The following PAPPA2 variants were observed in gnomAD, a reference collection of about 807,000 sequenced individuals.
PAPPA2 encodes pappalysin 2, also known as pappalysin-2.
PAPPA2 carries 86 observed loss-of-function variants against 176.4 expected under a neutral mutation model. That is an observed-to-expected ratio of 0.49 (90% CI 0.41 to 0.58). The LOEUF (loss-of-function observed/expected upper bound fraction) is 0.58, where lower values mean the gene tolerates loss of function less well. PAPPA2 is among the 20% of genes least tolerant of loss of function. The pLI is 0.00. For missense variants in PAPPA2, 2,073 were observed against 2,256.9 expected (o/e 0.92, Z 1.65); for synonymous variants, 809 against 852.2 (o/e 0.95, Z 0.88).
At chr1:176,502,868 G>A (rs963282430) in intron 1 of PAPPA2, among the ~76,000 whole-genome samples, 17 of 152,062 alleles carry the variant, frequency 1.1e-4, no homozygotes, top group South Asian at 4.1e-4. Context: ...AGTCCATGTC[G>A]TAGGTTTTTC....
At chr1:176,507,640 G>T (rs1388606480) in intron 1 of PAPPA2, among the ~76,000 whole-genome samples, 2 of 152,088 alleles carry the variant, frequency 1.3e-5, no homozygotes, top group Non-Finnish European at 2.9e-5. Flanking sequence ...GCAGCAACAT[G>T]GATGGAGCTG....
chr1:176,611,973 C>T (rs181011356), intron 3 of PAPPA2, among the ~76,000 whole-genome samples: 2 of 152,172 alleles, frequency 1.3e-5, no homozygotes, highest in Admixed American at 6.5e-5. Context: ...AGTATCCATT[C>T]ATCTGTTTAG....
intron 18 of PAPPA2, among the ~76,000 whole-genome samples, chr1:176,790,791 G>C (rs945269771): frequency 1.3e-5 from 2 of 152,142 alleles, no homozygotes; most frequent in Non-Finnish European, 2.9e-5. Flanking sequence ...AGTATAATTC[G>C]TGAAGCCAAG....
intron 1 of PAPPA2, among the ~76,000 whole-genome samples, chr1:176,523,780 T>C (rs182735751): frequency 1.9e-4 from 29 of 152,304 alleles, no homozygotes; most frequent in African/African-American, 5.5e-4. Flanking sequence ...TTTAGCAAAG[T>C]TGATGCCCCT....
chr1:176,677,918 A>G (rs558967049), intron 4 of PAPPA2, among the ~76,000 whole-genome samples: 2 of 152,380 alleles, frequency 1.3e-5, no homozygotes, highest in South Asian at 2.1e-4. Context: ...GGAGACAGAT[A>G]TGTCATACAG....
chr1:176,621,638 C>T (rs1655604203), intron 3 of PAPPA2, among the ~76,000 whole-genome samples: 1 of 152,046 alleles, frequency 6.6e-6, no homozygotes, highest in Non-Finnish European at 1.5e-5. Flanking sequence ...ATTGAAATTT[C>T]ATTCAAAACC....
chr1:176,829,441 T>A (rs1473923199), intron 21 of PAPPA2, among the ~76,000 whole-genome samples: 1 of 152,190 alleles, frequency 6.6e-6, no homozygotes, highest in South Asian at 2.1e-4. Flanking sequence ...CTGCCTGGCA[T>A]GTGCCTGCAT....
intron 3 of PAPPA2, among the ~76,000 whole-genome samples, chr1:176,615,620 C>A (rs1389693819): frequency 1.3e-5 from 2 of 152,170 alleles, no homozygotes; most frequent in East Asian, 1.9e-4. Flanking sequence ...AGCCACCACG[C>A]CTGGCCTGGA....
In PAPPA2 at chr1:176,623,606, C is replaced by T. The variant is rs937382362; in HGVS notation, c.1991+28011C>T. Among the ~76,000 whole-genome samples, 257 of 112,546 alleles carry T rather than the reference C, an allele frequency of 2.3e-3. 1 individual carries two copies. The highest frequency in any genetic ancestry group is 9.1e-3 in the Middle Eastern group (2 of 220). The allele number at this position is 112,546 out of a possible 152,430, so 73.8% of individuals were successfully genotyped here. On this transcript the variant is annotated intron_variant, in intron 3 of 22. Coordinates refer to ENST00000367662, the MANE Select transcript of PAPPA2 (RefSeq NM_020318.3). ...TCCTTCCTTCCTTCCTTCCTTCCTT[C>T]CTTCCTTCCTTCCTTCCTTTTTTAC... is the stretch of plus-strand genomic sequence containing the variant.
chr1:176,532,625 G>A (rs1014395499), intron 1 of PAPPA2, among the ~76,000 whole-genome samples: 15 of 152,126 alleles, frequency 9.9e-5, no homozygotes, highest in African/African-American at 3.6e-4. Flanking sequence ...CACAACAAGG[G>A]CCAAAAGGCA....
chr1:176,519,583 A>G (rs755467150), intron 1 of PAPPA2, among the ~76,000 whole-genome samples: 1 of 152,214 alleles, frequency 6.6e-6, no homozygotes, highest in African/African-American at 2.4e-5. Flanking sequence ...TGAAGGCAGG[A>G]AAAACTAATA....
chr1:176,772,717 G>A (rs1245382151), intron 17 of PAPPA2, among the ~76,000 whole-genome samples: 2 of 152,130 alleles, frequency 1.3e-5, no homozygotes, highest in Non-Finnish European at 2.9e-5. Flanking sequence ...TGACAACCAA[G>A]AGCACATTTG....
chr1:176,591,068 A>G (rs1436017565), intron 2 of PAPPA2, among the ~76,000 whole-genome samples: 1 of 146,592 alleles, frequency 6.8e-6, no homozygotes, highest in Non-Finnish European at 1.5e-5. Flanking sequence ...AGTAAAAGTA[A>G]ATATAGTCAC....
At position 176,793,577 on chromosome 1, in the gene PAPPA2, T is replaced by C. The variant is rs764340787; in HGVS notation, c.5038T>C (p.Leu1680=). 6.2e-7 allele frequency: 1 copy of C among 1,611,514 alleles called. No individual in the cohort carries two copies. The highest frequency in any genetic ancestry group is 1.7e-5 in the Admixed American group (1 of 59,928). Residue 1680 remains leucine, a synonymous_variant, in exon 20 of 23, where the codon TTG becomes CTG. Coordinates refer to ENST00000367662, the MANE Select transcript of PAPPA2 (RefSeq NM_020318.3). ...TCTTTCAGGTGCAGTGTGTTCCCCA[T>C]TGTGTGTAATCCCCCCCAGTGACCC... ...GYGIGAVCSP[L]CVIPPSDPVM... is the part of the protein sequence containing the mutation.
intron 1 of PAPPA2, among the ~76,000 whole-genome samples, chr1:176,499,375 C>A (rs1461321664): frequency 6.6e-6 from 1 of 152,198 alleles, no homozygotes; most frequent in African/African-American, 2.4e-5. Flanking sequence ...TTGCCTTAAT[C>A]TTTGCATATT....
chr1:176,694,881 G>A (rs1221614387), intron 6 of PAPPA2, among the ~76,000 whole-genome samples: 1 of 152,198 alleles, frequency 6.6e-6, no homozygotes, highest in Non-Finnish European at 1.5e-5. Flanking sequence ...AATGTGAATG[G>A]AAATTCTCAA....
intron 2 of PAPPA2, among the ~76,000 whole-genome samples, chr1:176,579,556 T>A (rs983563888): frequency 6.6e-6 from 1 of 152,194 alleles, no homozygotes; most frequent in Non-Finnish European, 1.5e-5. Flanking sequence ...ATACATTTTT[T>A]TGAGTCAGAT....
chr1:176,653,732 C>T (rs1657877859), intron 3 of PAPPA2, among the ~76,000 whole-genome samples: 1 of 151,722 alleles, frequency 6.6e-6, no homozygotes, highest in Non-Finnish European at 1.5e-5. Context: ...ATACCCCACT[C>T]CGTCTCCTAC....
chr1:176,711,192 A>C (rs1395110050), intron 11 of PAPPA2, among the ~76,000 whole-genome samples: 1 of 152,126 alleles, frequency 6.6e-6, no homozygotes, highest in Non-Finnish European at 1.5e-5. Context: ...GGAGTTTATT[A>C]ATAAAAAAGT....
Sources: gnomAD v4.1 joint callset for allele counts (sites outside exome capture counted in the v4.1 genomes callset) on GRCh38, gnomAD v4.1.1 for gene constraint, MANE v1.5 for transcripts, NCBI Gene and HGNC (gene_info 2026-07-23, HGNC 2026-07-21) for gene names.